MOB3A: variants seen among roughly 807,000 people sequenced by gnomAD.
MOB3A encodes MOB kinase activator 3A.
MOB3A carries 17 observed loss-of-function variants against 17.8 expected under a neutral mutation model. The ratio of observed to expected loss-of-function variants is 0.95; its 90% CI spans 0.65 to 1.43. MOB3A has a LOEUF of 1.43. Ranked by LOEUF, MOB3A falls within the 40% of genes most tolerant of loss-of-function variation. The probability of loss-of-function intolerance (pLI) is 0.00; values close to 1 mark genes in which losing one functional copy is unlikely to be tolerated. For missense variants in MOB3A, 333 were observed against 310.8 expected (o/e 1.07, Z -0.54); for synonymous variants, 124 against 133.2 (o/e 0.93, Z 0.48).
chr19:2,078,805 C>T (rs761606152), intron 2 of MOB3A, 126 bp from the exon 3 acceptor site: 5 of 468,800 alleles, frequency 1.1e-5, no homozygotes, highest in East Asian at 3.6e-5. Context: ...GTTGCCCCGG[C>T]TGGAGTACAG....
rs1203271010 is a variant in MOB3A, at chr19:2,076,054, T to TG, written c.624+756dup. 4.8e-5 allele frequency among the ~76,000 whole-genome samples: 5 copies of TG among 104,680 alleles called. No homozygotes were observed. In the East Asian group the frequency reaches 1.5e-3, roughly 32 times the overall value. The allele number at this position is 104,680 out of a possible 152,430, so 68.7% of individuals were successfully genotyped here. A position where few individuals can be genotyped will look rare whatever the true frequency, so the allele number is the denominator to read the frequency against. On this transcript the variant is annotated intron_variant, in intron 4 of 4. Coordinates refer to ENST00000357066, the MANE Select transcript of MOB3A (RefSeq NM_130807.3). ...AGGAGAACTGCTTGAACCCGGAAGG[T>TG]GGGGGTTGCAGTAAGCCAAGATGGC...
At chr19:2,091,076 G>C (rs1248311434) in intron 1 of MOB3A, among the ~76,000 whole-genome samples, 2 of 152,226 alleles carry the variant, frequency 1.3e-5, no homozygotes, top group African/African-American at 4.8e-5. Flanking sequence ...AGAAAAGGGA[G>C]GGAAACCTCC....
At chr19:2,090,163 G>A (rs1487286126) in intron 1 of MOB3A, 1 of 152,348 alleles carries the variant, frequency 6.6e-6, no homozygotes, top group Admixed American at 6.5e-5. Context: ...GCCCGGCAGA[G>A]CTGGCATGGT....
In MOB3A at chr19:2,077,005, A is replaced by G; in HGVS notation, c.430T>C (p.Phe144Leu). The G allele has an allele frequency of 6.2e-7, 1 of 1,613,020 alleles. No homozygotes were observed. The highest frequency in any genetic ancestry group is 8.5e-7 in the Non-Finnish European group (1 of 1,179,768). The change falls in exon 4 of 5, where the codon TTT becomes CTT. Residue 144 changes from phenylalanine to leucine, a missense_variant. By Grantham distance (22) the Phe-to-Leu change is conservative. Coordinates refer to ENST00000357066, the MANE Select transcript of MOB3A (RefSeq NM_130807.3). Reference protein sequence around the residue: ...DLFPTNVGTPFPKNFLQTVRK... With the variant: ...DLFPTNVGTPLPKNFLQTVRK... ...ACCGTCTGCAGGAAGTTCTTGGGAA[A>G]CGGAGTGCCTGCAGGGAGAGGGGTG... is the stretch of plus-strand genomic sequence containing the variant.
At chr19:2,094,467 G>A (rs2017647552) in intron 1 of MOB3A, among the ~76,000 whole-genome samples, 1 of 152,192 alleles carries the variant, frequency 6.6e-6, no homozygotes, top group Admixed American at 6.5e-5. Flanking sequence ...GAACAGAAAC[G>A]GAAGGTGGGT....
chr19:2,075,697 A>C, intron 4 of MOB3A, among the ~76,000 whole-genome samples: 1 of 152,096 alleles, frequency 6.6e-6, no homozygotes, highest in East Asian at 1.9e-4. Flanking sequence ...TTCAAGAAGC[A>C]ACATTGGCTT....
At chr19:2,091,408 G>A (rs1026035452) in intron 1 of MOB3A, among the ~76,000 whole-genome samples, 4 of 151,944 alleles carry the variant, frequency 2.6e-5, no homozygotes, top group Admixed American at 6.6e-5. Flanking sequence ...TTTGGAGACC[G>A]AGTCTTGCTC....
In MOB3A at chr19:2,092,125, A is replaced by G. The variant is rs370068232; in HGVS notation, c.-274+4101T>C. 1.7e-3 allele frequency among the ~76,000 whole-genome samples: 198 copies of G among 114,848 alleles called. 1 individual carries two copies. The highest frequency in any genetic ancestry group is 6.3e-3 in the African/African-American group (187 of 29,660). The allele number at this position is 114,848 out of a possible 152,430, so 75.3% of individuals were successfully genotyped here. On this transcript the variant is annotated intron_variant, in intron 1 of 4. Transcript: ENST00000357066. ...TTTAGCTGCCTGTTTGTTTGAGATG[A>G]GGTTTCGCTCTATCCCCCAGGCTGG...
At chr19:2,092,753 CA>C (rs745800527) in intron 1 of MOB3A, among the ~76,000 whole-genome samples, 88 of 48,230 alleles carry the variant, frequency 1.8e-3, no homozygotes, top group Middle Eastern at 9.6e-3. Context: ...AACTCCATCT[CA>C]AAAAAAAAAA....
chr19:2,087,745 CA>C (rs2017569451), intron 1 of MOB3A, among the ~76,000 whole-genome samples: 1 of 152,172 alleles, frequency 6.6e-6, no homozygotes, highest in Non-Finnish European at 1.5e-5. Context: ...GGACTCAGCC[CA>C]AAGTTTCAAG....
At chr19:2,084,685 G>A (rs2017530744) in intron 2 of MOB3A, among the ~76,000 whole-genome samples, 1 of 151,706 alleles carries the variant, frequency 6.6e-6, no homozygotes, top group Admixed American at 6.6e-5. Context: ...CTGCCTCCCA[G>A]GTTCAAGCAA....
chr19:2,072,981 A>C lies in MOB3A; in HGVS notation c.*414T>G. On this transcript the variant is annotated 3_prime_UTR_variant, in exon 5 of 5. Coordinates refer to ENST00000357066, the MANE Select transcript of MOB3A (RefSeq NM_130807.3). The stretch of plus-strand genomic sequence containing the variant: ...AGCAAGCTGGGTGCCCTTGAGAGAC[A>C]GGCCCAGGCAGGGCTGTGGCCACAG... 5.1e-6 allele frequency: 1 copy of C among 196,046 alleles called. No individual in the cohort carries two copies. Among genetic ancestry groups the C allele is most frequent in the Non-Finnish European group, 1.0e-5 (1 of 96,420 alleles). 12.1% of individuals were successfully genotyped at this position (196,046 alleles called of 1,614,324 possible). A position where few individuals can be genotyped will look rare whatever the true frequency, so the allele number is the denominator to read the frequency against.
At position 2,072,296 on chromosome 19, in the gene MOB3A, C is replaced by T. The variant is rs1358991741; in HGVS notation, c.*1099G>A. ...TCTCTACTAAAACTACAATAATTTCCTGGGCGTGGTGGCGCACACCTGTAA... is the reference window on the plus strand; with the variant it reads ...TCTCTACTAAAACTACAATAATTTCTTGGGCGTGGTGGCGCACACCTGTAA... On this transcript the variant is annotated 3_prime_UTR_variant, in exon 5 of 5. Coordinates refer to ENST00000357066, the MANE Select transcript of MOB3A (RefSeq NM_130807.3). 1 of 152,034 alleles carries T rather than the reference C, an allele frequency of 6.6e-6. No individual in the cohort carries two copies. Among genetic ancestry groups the T allele is most frequent in the African/African-American group, 2.4e-5 (1 of 41,370 alleles). The allele number at this position is 152,034 out of a possible 1,614,324, so 9.4% of individuals were successfully genotyped here. A position where few individuals can be genotyped will look rare whatever the true frequency, so the allele number is the denominator to read the frequency against.
intron 1 of MOB3A, among the ~76,000 whole-genome samples, chr19:2,092,122 A>T (rs2144940797): frequency 1.6e-5 from 2 of 126,824 alleles, no homozygotes; most frequent in South Asian, 2.9e-4. Flanking sequence ...TTTGTTTGAG[A>T]TGAGGTTTCG....
In MOB3A at chr19:2,074,614, G is replaced by A. The variant is rs549016065; in HGVS notation, c.625-1190C>T. On this transcript the variant is annotated intron_variant, in intron 4 of 4. Transcript: ENST00000357066. ...GTCATTCAGGCTGGAGAGCTGTGGC[G>A]CAATCTTGGCTCACTGCAACCTCCA... Among the ~76,000 whole-genome samples the A allele has an allele frequency of 1.8e-4, 28 of 151,538 alleles. No homozygotes were observed. In the South Asian group the frequency reaches 5.9e-3, roughly 32 times the overall value.
At chr19:2,081,975 A>AC (rs2017495756) in intron 2 of MOB3A, among the ~76,000 whole-genome samples, 1 of 152,188 alleles carries the variant, frequency 6.6e-6, no homozygotes, top group African/African-American at 2.4e-5. Context: ...ATGGTTTGTC[A>AC]CAAGGGAGCC....
Position 2,078,124 on chromosome 19 carries a change from G to C in MOB3A, c.421+16C>G. On this transcript the variant is annotated intron_variant, in intron 3 of 4. Transcript: ENST00000357066. ...GAAGGCTCTGTATCCCCGAGCCCCT[G>C]CCAGCTCTGACTCACCAACGTTGGT... The C allele has an allele frequency of 1.3e-6, 2 of 1,548,562 alleles. No individual in the cohort carries two copies. Among genetic ancestry groups the C allele is most frequent in the Non-Finnish European group, 1.7e-6 (2 of 1,142,870 alleles).
intron 1 of MOB3A, among the ~76,000 whole-genome samples, chr19:2,088,812 A>G (rs1037882204): frequency 6.6e-6 from 1 of 152,098 alleles, no homozygotes; most frequent in Non-Finnish European, 1.5e-5. Flanking sequence ...TATGTTGTCC[A>G]GGCTGGTCTT....
chr19:2,095,945 T>C (rs2017683928), intron 1 of MOB3A, among the ~76,000 whole-genome samples: 1 of 152,016 alleles, frequency 6.6e-6, no homozygotes, highest in Non-Finnish European at 1.5e-5. Context: ...GGTTTCACCA[T>C]GTTGGCCAGA....
Sources: allele counts gnomAD v4.1 joint callset (sites outside exome capture counted in the v4.1 genomes callset), GRCh38; gene constraint gnomAD v4.1.1; transcripts MANE v1.5; gene names NCBI Gene and HGNC (gene_info 2026-07-23, HGNC 2026-07-21).